The following MAPKAP1 variants were observed in gnomAD, a reference collection of about 807,000 sequenced individuals.
MAPKAP1 encodes MAPK associated protein 1.
MAPKAP1 carries 20 observed loss-of-function variants against 65.7 expected under a neutral mutation model. The ratio of observed to expected loss-of-function variants is 0.30; its 90% CI spans 0.21 to 0.44. MAPKAP1 has a LOEUF of 0.44. Among genes scored for constraint, MAPKAP1 ranks in the 20% least tolerant of loss-of-function variants. The pLI is 1.00. For synonymous variants in MAPKAP1, 222 were observed against 244.3 expected (o/e 0.91, Z 0.85); for missense variants, 423 against 648.0 (o/e 0.65, Z 3.77).
Position 125,447,495 on chromosome 9 carries a change from G to A in MAPKAP1, c.1346-2897C>T. The A allele has an allele frequency of 4.4e-6, 2 of 456,546 alleles. No homozygotes were observed. Among genetic ancestry groups the A allele is most frequent in the South Asian group, 1.5e-5 (1 of 64,562 alleles). 28.3% of individuals were successfully genotyped at this position (456,546 alleles called of 1,614,324 possible). A position where few individuals can be genotyped will look rare whatever the true frequency, so the allele number is the denominator to read the frequency against. ...GGAGTGATGAGCGGAACCCTGGGGG[G>A]CAAGGGCAGGTTAAGATCAGCAGCC... On this transcript the variant is annotated intron_variant, in intron 10 of 11. Transcript: ENST00000265960. This position sits in a 1 kb window ranked among gnomAD's most constrained non-coding sequence, Gnocchi z 4.5.
intron 4 of MAPKAP1, among the ~76,000 whole-genome samples, chr9:125,602,801 G>A (rs1213458964): frequency 6.6e-6 from 1 of 152,104 alleles, no homozygotes; most frequent in Non-Finnish European, 1.5e-5. Flanking sequence ...TCGTTAAGTA[G>A]GCTGTTCCAA....
chr9:125,704,215 C>G (rs1284163686), intron 1 of MAPKAP1, among the ~76,000 whole-genome samples: 1 of 152,194 alleles, frequency 6.6e-6, no homozygotes, highest in East Asian at 1.9e-4. Flanking sequence ...ATAATCCCCT[C>G]TATCTTACAG....
At chr9:125,597,264 CAAAAAAAAA>C (rs35917056) in intron 4 of MAPKAP1, among the ~76,000 whole-genome samples, 2 of 52,656 alleles carry the variant, frequency 3.8e-5, no homozygotes, top group African/African-American at 1.8e-4. Context: ...GACTCCGTCT[CAAAAAAAAA>C]AAAAAAAAAA....
At chr9:125,694,337 A>G (rs893132040) in intron 1 of MAPKAP1, among the ~76,000 whole-genome samples, 2 of 152,174 alleles carry the variant, frequency 1.3e-5, no homozygotes, top group Non-Finnish European at 2.9e-5. Flanking sequence ...CCAAAAAAAA[A>G]AAAGTTTTAA....
At chr9:125,456,411 TTC>T (rs1186928423) in intron 10 of MAPKAP1, among the ~76,000 whole-genome samples, 3 of 152,228 alleles carry the variant, frequency 2.0e-5, no homozygotes, top group Non-Finnish European at 4.4e-5. Context: ...CTTGAATAGT[TTC>T]TGTTGTTCTG....
intron 4 of MAPKAP1, among the ~76,000 whole-genome samples, chr9:125,630,387 C>T (rs577893754): frequency 2.0e-5 from 3 of 152,126 alleles, no homozygotes; most frequent in Admixed American, 1.3e-4. Flanking sequence ...CAGTCTCAGC[C>T]GCCCAAACTT....
At chr9:125,514,761 G>A (rs1455853587) in intron 7 of MAPKAP1, among the ~76,000 whole-genome samples, 1 of 152,158 alleles carries the variant, frequency 6.6e-6, no homozygotes, top group Non-Finnish European at 1.5e-5. Context: ...TGGTGGCACT[G>A]CTGACAATGG....
At chr9:125,476,809 G>A (rs922472012) in intron 9 of MAPKAP1, among the ~76,000 whole-genome samples, 1 of 152,218 alleles carries the variant, frequency 6.6e-6, no homozygotes, top group Non-Finnish European at 1.5e-5. Flanking sequence ...AGGCAGGGAA[G>A]ACAAGAAATG....
intron 4 of MAPKAP1, among the ~76,000 whole-genome samples, chr9:125,649,411 A>G (rs1338225395): frequency 6.6e-6 from 1 of 152,068 alleles, no homozygotes; most frequent in East Asian, 1.9e-4. Context: ...ATTTAAAATT[A>G]CTCTCTCGAA....
intron 3 of MAPKAP1, among the ~76,000 whole-genome samples, chr9:125,663,006 G>A (rs560227388): frequency 4.7e-4 from 72 of 152,256 alleles, no homozygotes; most frequent in Non-Finnish European, 8.7e-4. Context: ...GATGAGTGAA[G>A]GGAGTTCATT....
intron 3 of MAPKAP1, among the ~76,000 whole-genome samples, chr9:125,659,094 T>C (rs1007362898): frequency 1.3e-5 from 2 of 152,220 alleles, no homozygotes; most frequent in African/African-American, 2.4e-5. Flanking sequence ...AATTAGACTA[T>C]AATTCAATTA....
chr9:125,668,040 G>A (rs1834391429), intron 3 of MAPKAP1, among the ~76,000 whole-genome samples: 1 of 152,172 alleles, frequency 6.6e-6, no homozygotes, highest in South Asian at 2.1e-4. Flanking sequence ...GTCAGAATGA[G>A]ATATAAGTAA....
chr9:125,692,451 C>A (rs1222324167), intron 1 of MAPKAP1, among the ~76,000 whole-genome samples: 1 of 152,106 alleles, frequency 6.6e-6, no homozygotes, highest in East Asian at 1.9e-4. Flanking sequence ...ACAGGCAAAT[C>A]CATAGAGACA....
chr9:125,698,746 A>G (rs1163820070), intron 1 of MAPKAP1, among the ~76,000 whole-genome samples: 2 of 152,196 alleles, frequency 1.3e-5, no homozygotes, highest in Non-Finnish European at 2.9e-5. Flanking sequence ...TTTCTAACAA[A>G]GAGCAGTTAC....
At chr9:125,639,709 G>C (rs1833524546) in intron 4 of MAPKAP1, among the ~76,000 whole-genome samples, 1 of 152,150 alleles carries the variant, frequency 6.6e-6, no homozygotes, top group African/African-American at 2.4e-5. Flanking sequence ...CAGAAGAGGT[G>C]ACGTCTGAGT....
At chr9:125,624,682 G>C (rs1337380999) in intron 4 of MAPKAP1, among the ~76,000 whole-genome samples, 1 of 71,284 alleles carries the variant, frequency 1.4e-5, no homozygotes, top group African/African-American at 5.2e-5. Flanking sequence ...CTGCCCGGCC[G>C]CCCCTACTGG....
At chr9:125,464,558 A>T (rs1054799332) in intron 10 of MAPKAP1, among the ~76,000 whole-genome samples, 28 of 152,208 alleles carry the variant, frequency 1.8e-4, no homozygotes, top group African/African-American at 6.8e-4. Flanking sequence ...ATTCATATTT[A>T]TATGTACAAT....
At chr9:125,682,338 G>A (rs1834848781) in intron 1 of MAPKAP1, among the ~76,000 whole-genome samples, 1 of 152,196 alleles carries the variant, frequency 6.6e-6, no homozygotes, top group South Asian at 2.1e-4. Context: ...TAAGGTTGAA[G>A]AACTGTTAAG....
At chr9:125,563,027 A>G (rs1263442633) in intron 5 of MAPKAP1, among the ~76,000 whole-genome samples, 4 of 152,150 alleles carry the variant, frequency 2.6e-5, no homozygotes, top group Non-Finnish European at 5.9e-5. Context: ...TACTTATAAA[A>G]AGTTAGATTT....
Sources: allele counts gnomAD v4.1 joint callset (sites outside exome capture counted in the v4.1 genomes callset), GRCh38; gene constraint gnomAD v4.1.1; non-coding constraint Gnocchi (gnomAD v3.1); transcripts MANE v1.5; gene names NCBI Gene and HGNC (gene_info 2026-07-23, HGNC 2026-07-21).